Variants in CCDC91 observed in about 807,000 individuals in gnomAD.
CCDC91 encodes the protein coiled-coil domain-containing protein 91.
A neutral mutation model predicts 63.2 loss-of-function variants in CCDC91; 48 were observed. The ratio of observed to expected loss-of-function variants is 0.76; its 90% CI spans 0.60 to 0.97. The LOEUF (loss-of-function observed/expected upper bound fraction) is 0.97. Among genes scored for constraint, CCDC91 ranks in the 50% least tolerant of loss-of-function variants. CCDC91 has a pLI of 0.00. For missense variants in CCDC91, 500 were observed against 494.6 expected (o/e 1.01, Z -0.10); for synonymous variants, 167 against 165.8 (o/e 1.01, Z -0.06).
intron 12 of CCDC91, among the ~76,000 whole-genome samples, chr12:28,525,065 C>A (rs1214681429): frequency 6.6e-6 from 1 of 151,924 alleles, no homozygotes; most frequent in Non-Finnish European, 1.5e-5. Context: ...TTTCATGTAT[C>A]TTTTGTATTG....
intron 1 of CCDC91, among the ~76,000 whole-genome samples, chr12:28,206,618 T>TA (rs1287203085): frequency 6.6e-6 from 1 of 152,168 alleles, no homozygotes; most frequent in Non-Finnish European, 1.5e-5. Flanking sequence ...CTTAACTAAG[T>TA]AGTTTTTTCA....
At chr12:28,236,156 A>G (rs976091898) in intron 1 of CCDC91, 1 of 152,060 alleles carries the variant, frequency 6.6e-6, no homozygotes, top group African/African-American at 2.4e-5. Context: ...ATTTTATTTA[A>G]TTGATATCAA....
At chr12:28,360,004 G>T (rs2138497904) in intron 6 of CCDC91, among the ~76,000 whole-genome samples, 1 of 152,210 alleles carries the variant, frequency 6.6e-6, no homozygotes, top group East Asian at 1.9e-4. Context: ...TCTTAAACAG[G>T]TTAATGGATT....
intron 1 of CCDC91, among the ~76,000 whole-genome samples, chr12:28,247,841 G>A (rs1945858023): frequency 6.6e-6 from 1 of 152,120 alleles, no homozygotes; most frequent in African/African-American, 2.4e-5. Flanking sequence ...GTTCCACCTC[G>A]GATCATCAGG....
chr12:28,375,997 A>G (rs1057268111), intron 7 of CCDC91, among the ~76,000 whole-genome samples: 1 of 151,892 alleles, frequency 6.6e-6, no homozygotes, highest in Non-Finnish European at 1.5e-5. Context: ...CTCAACTTCT[A>G]CAGTGCATAG....
Position 28,280,302 on chromosome 12 carries a change from C to G in CCDC91, c.109+20860C>G, listed in dbSNP as rs147009752. ...GAGAAAAAATTATTTTTGTATATTA[C>G]TTTCAAATTCTTCTACTCTTGTAAC... is the stretch of plus-strand genomic sequence containing the variant. On this transcript the variant is annotated intron_variant, in intron 3 of 12. Coordinates refer to ENST00000536442, the MANE Select transcript of CCDC91 (RefSeq NM_018318.5). Among the ~76,000 whole-genome samples, 29 of 152,092 alleles carry G rather than the reference C, an allele frequency of 1.9e-4. 1 individual carries two copies. Among genetic ancestry groups the G allele is most frequent in the African/African-American group, 7.0e-4 (29 of 41,526 alleles).
At chr12:28,375,439 C>T (rs1205547747) in intron 7 of CCDC91, among the ~76,000 whole-genome samples, 1 of 151,856 alleles carries the variant, frequency 6.6e-6, no homozygotes, top group Non-Finnish European at 1.5e-5. Flanking sequence ...TGTGGCCCAT[C>T]TCTTCACCTT....
intron 12 of CCDC91, among the ~76,000 whole-genome samples, chr12:28,490,070 A>T (rs1047455643): frequency 2.0e-5 from 3 of 151,890 alleles, no homozygotes; most frequent in Non-Finnish European, 4.4e-5. Context: ...GATATAAATC[A>T]GTTGCATCAT....
At chr12:28,463,469 G>A (rs1950404974) in intron 11 of CCDC91, among the ~76,000 whole-genome samples, 1 of 152,176 alleles carries the variant, frequency 6.6e-6, no homozygotes, top group Admixed American at 6.5e-5. Flanking sequence ...TAAATGTGAT[G>A]CACAGAAGCA....
chr12:28,458,461 T>C, intron 11 of CCDC91, among the ~76,000 whole-genome samples: 1 of 103,312 alleles, frequency 9.7e-6, no homozygotes, highest in South Asian at 3.4e-4. Context: ...ACACCTTTTT[T>C]TTTTTTTTTT....
At chr12:28,408,790 G>A (rs1201141203) in intron 8 of CCDC91, among the ~76,000 whole-genome samples, 1 of 151,944 alleles carries the variant, frequency 6.6e-6, no homozygotes. Flanking sequence ...TTACAGGTGT[G>A]CACCACAATG....
chr12:28,520,714 T>G (rs1346303806), intron 12 of CCDC91, among the ~76,000 whole-genome samples: 1 of 152,162 alleles, frequency 6.6e-6, no homozygotes, highest in Non-Finnish European at 1.5e-5. Flanking sequence ...GGTCTAACAT[T>G]TAAGTCTTTA....
intron 12 of CCDC91, among the ~76,000 whole-genome samples, chr12:28,508,747 G>A (rs923217136): frequency 6.6e-6 from 1 of 151,844 alleles, no homozygotes; most frequent in African/African-American, 2.4e-5. Flanking sequence ...AAAGCCCAGA[G>A]TTTGCAAGGG....
chr12:28,380,853 A>G (rs1223429523), intron 7 of CCDC91, among the ~76,000 whole-genome samples: 1 of 152,122 alleles, frequency 6.6e-6, no homozygotes, highest in Non-Finnish European at 1.5e-5. Context: ...AAGCATTTTC[A>G]GTATTAGAGA....
intron 3 of CCDC91, among the ~76,000 whole-genome samples, chr12:28,266,888 A>G (rs1947226304): frequency 6.6e-6 from 1 of 151,882 alleles, no homozygotes; most frequent in Admixed American, 6.6e-5. Context: ...GCCCCACCAA[A>G]AAAAACCACT....
At chr12:28,427,990 C>T (rs73085935) in intron 8 of CCDC91, among the ~76,000 whole-genome samples, 3,838 of 152,192 alleles carry the variant, frequency 0.025, 84 homozygotes, top group Non-Finnish European at 0.035. Context: ...ATGTCTAGTA[C>T]TCTGCTGGAG....
intron 6 of CCDC91, among the ~76,000 whole-genome samples, chr12:28,350,935 C>T (rs202142406): frequency 6.6e-6 from 1 of 152,050 alleles, no homozygotes; most frequent in East Asian, 1.9e-4. Flanking sequence ...TGCAAAGACC[C>T]TATTTCCAAA....
chr12:28,363,605 C>T lies in CCDC91; in HGVS notation c.654+1090C>T, dbSNP rs868185057. ...AGAAGCTTCCGTAAATCATTTGGGCCGGGCATGGTGGCTCACGCCTGTAAT... is the reference window on the plus strand; with the variant it reads ...AGAAGCTTCCGTAAATCATTTGGGCTGGGCATGGTGGCTCACGCCTGTAAT... On this transcript the variant is annotated intron_variant, in intron 7 of 12. Transcript: ENST00000536442. Among the ~76,000 whole-genome samples, 44 of 152,182 alleles carry T rather than the reference C, an allele frequency of 2.9e-4. 1 individual carries two copies. The highest frequency in any genetic ancestry group is 9.1e-4 in the African/African-American group (38 of 41,544).
intron 1 of CCDC91, among the ~76,000 whole-genome samples, chr12:28,239,247 G>A (rs1156777589): frequency 6.6e-6 from 1 of 152,058 alleles, no homozygotes; most frequent in Non-Finnish European, 1.5e-5. Context: ...TATAGTAGAT[G>A]GTTAACTTGG....
Sources: allele counts gnomAD v4.1 joint callset (sites outside exome capture counted in the v4.1 genomes callset), GRCh38; gene constraint gnomAD v4.1.1; transcripts MANE v1.5; gene names NCBI Gene and HGNC (gene_info 2026-07-23, HGNC 2026-07-21).